The following SLC39A11 variants were observed in gnomAD, a reference collection of about 807,000 sequenced individuals.
SLC39A11 encodes solute carrier family 39 member 11.
Under a neutral mutation model 36.1 loss-of-function variants are expected in SLC39A11, and 33 were observed. The ratio of observed to expected loss-of-function variants is 0.91; its 90% CI spans 0.69 to 1.22. The LOEUF (loss-of-function observed/expected upper bound fraction) is 1.22, where lower values mean the gene tolerates loss of function less well. Among genes scored for constraint, SLC39A11 ranks in the 50% most tolerant of loss-of-function variants. The pLI is 0.00. For missense variants in SLC39A11, 432 were observed against 430.3 expected (o/e 1.00, Z -0.03); for synonymous variants, 166 against 170.3 (o/e 0.97, Z 0.20).
intron 4 of SLC39A11, among the ~76,000 whole-genome samples, chr17:73,026,691 G>A (rs970222740): frequency 5.3e-5 from 8 of 151,994 alleles, no homozygotes; most frequent in African/African-American, 1.9e-4. Flanking sequence ...GTTTTATAAC[G>A]AGATTTTTGT....
At chr17:72,930,202 G>T (rs898554933) in intron 5 of SLC39A11, among the ~76,000 whole-genome samples, 1 of 152,198 alleles carries the variant, frequency 6.6e-6, no homozygotes, top group Non-Finnish European at 1.5e-5. Context: ...CAGCTCATTA[G>T]TTCTGGGAGA....
intron 5 of SLC39A11, among the ~76,000 whole-genome samples, chr17:72,861,868 AT>A (rs1000608814): frequency 3.4e-5 from 5 of 149,086 alleles, no homozygotes; most frequent in Non-Finnish European, 7.4e-5. Flanking sequence ...ACTTTTAGAA[AT>A]TCACTTGAGA....
At chr17:72,930,138 C>T (rs1364859102) in intron 5 of SLC39A11, among the ~76,000 whole-genome samples, 1 of 152,194 alleles carries the variant, frequency 6.6e-6, no homozygotes, top group African/African-American at 2.4e-5. Flanking sequence ...GCATTTTAAA[C>T]AAGCTTCTGG....
At chr17:72,837,421 G>A (rs2078608638) in intron 6 of SLC39A11, among the ~76,000 whole-genome samples, 1 of 149,368 alleles carries the variant, frequency 6.7e-6, no homozygotes. Context: ...GCCATGGTAG[G>A]TGGGACAGAG....
intron 7 of SLC39A11, among the ~76,000 whole-genome samples, chr17:72,665,256 C>T (rs1416791277): frequency 6.6e-6 from 1 of 152,160 alleles, no homozygotes; most frequent in African/African-American, 2.4e-5. Context: ...ACTGCAGCCC[C>T]AGCTGACCTC....
chr17:72,828,376 C>A (rs1022025363), intron 6 of SLC39A11, among the ~76,000 whole-genome samples: 7 of 152,180 alleles, frequency 4.6e-5, no homozygotes, highest in African/African-American at 1.7e-4. Context: ...AAAAGGGGAC[C>A]ATGAGCCAGG....
chr17:72,887,578 C>T (rs1230253130), intron 5 of SLC39A11, among the ~76,000 whole-genome samples: 3 of 152,216 alleles, frequency 2.0e-5, no homozygotes, highest in Non-Finnish European at 4.4e-5. Flanking sequence ...CGAGAACAGT[C>T]GCAGCCATGC....
At chr17:73,074,493 T>C (rs2060259700) in intron 3 of SLC39A11, among the ~76,000 whole-genome samples, 1 of 152,044 alleles carries the variant, frequency 6.6e-6, no homozygotes, top group South Asian at 2.1e-4. Context: ...GAGACAGGGT[T>C]TCACCATGTT....
intron 5 of SLC39A11, among the ~76,000 whole-genome samples, chr17:72,877,946 T>A (rs968789701): frequency 1.4e-4 from 21 of 150,390 alleles, no homozygotes; most frequent in African/African-American, 4.9e-4. Context: ...GTTAAGTATA[T>A]CTCCTAATGC....
chr17:72,902,911 T>G lies in SLC39A11; in HGVS notation c.430+44841A>C, dbSNP rs1035772720. Among the ~76,000 whole-genome samples, 28 of 151,460 alleles carry G rather than the reference T, an allele frequency of 1.8e-4. 1 individual carries two copies. The highest frequency in any genetic ancestry group is 5.8e-4 in the East Asian group (3 of 5,132). On this transcript the variant is annotated intron_variant, in intron 5 of 9. Coordinates refer to ENST00000255559, the MANE Select transcript of SLC39A11 (RefSeq NM_139177.4). ...ATAAGGGAAACTCAGAATTATTTTG[T>G]TTTTTGTTCTTCTTAGTCAAAGATG...
intron 5 of SLC39A11, among the ~76,000 whole-genome samples, chr17:72,919,356 T>C (rs934461742): frequency 6.6e-6 from 1 of 151,760 alleles, no homozygotes; most frequent in African/African-American, 2.4e-5. Context: ...TTTACCATGA[T>C]CATAAAGGTG....
chr17:72,954,676 C>T lies in SLC39A11; in HGVS notation c.307-6801G>A, dbSNP rs2086119969. On this transcript the variant is annotated intron_variant, in intron 4 of 9. Coordinates refer to ENST00000255559, the MANE Select transcript of SLC39A11 (RefSeq NM_139177.4). The stretch of plus-strand genomic sequence containing the variant: ...TCGTAACACAATCTTTTAAATTATT[C>T]CACATAATGGAAAAAAAATTAAATG... 2.0e-5 allele frequency among the ~76,000 whole-genome samples: 3 copies of T among 152,194 alleles called. No individual in the cohort carries two copies. The South Asian group carries it at 6.2e-4, about 32-fold the overall frequency.
chr17:73,002,943 G>A (rs2089902999), intron 4 of SLC39A11, among the ~76,000 whole-genome samples: 1 of 152,108 alleles, frequency 6.6e-6, no homozygotes, highest in African/African-American at 2.4e-5. Context: ...TTATAAGGAG[G>A]CTTGAGATTG....
At chr17:73,004,232 A>AAAGAAAGAAAGAAAAGAAAAGAAAAG in intron 4 of SLC39A11, among the ~76,000 whole-genome samples, 3 of 88,642 alleles carry the variant, frequency 3.4e-5, no homozygotes, top group Non-Finnish European at 7.3e-5. Flanking sequence ...AGAAAGAAAG[A>AAAGAAAGAAAGAAAAGAAAAGAAAAG]AAAGAAAGAA....
chr17:72,705,003 TGC>T (rs2072828647), intron 7 of SLC39A11, among the ~76,000 whole-genome samples: 1 of 152,204 alleles, frequency 6.6e-6, no homozygotes, highest in Non-Finnish European at 1.5e-5. Flanking sequence ...ATCATGCCTA[TGC>T]TGAAGAGAGC....
chr17:72,844,176 G>C (rs1431928374), intron 6 of SLC39A11, among the ~76,000 whole-genome samples: 1 of 152,128 alleles, frequency 6.6e-6, no homozygotes, highest in Admixed American at 6.5e-5. Context: ...AGGTAAGTTG[G>C]CTCCAAACAG....
chr17:72,765,472 T>C (rs2144613792), intron 6 of SLC39A11, among the ~76,000 whole-genome samples: 1 of 152,330 alleles, frequency 6.6e-6, no homozygotes, highest in Non-Finnish European at 1.5e-5. Flanking sequence ...TCTGCATGAA[T>C]TAAACTCTTT....
At chr17:72,765,335 C>T (rs576535072) in intron 6 of SLC39A11, among the ~76,000 whole-genome samples, 1 of 152,200 alleles carries the variant, frequency 6.6e-6, no homozygotes, top group Non-Finnish European at 1.5e-5. Flanking sequence ...CCAATGATTG[C>T]ATTCACAACA....
chr17:72,653,336 T>C (rs1042586436), intron 7 of SLC39A11, among the ~76,000 whole-genome samples: 4 of 151,992 alleles, frequency 2.6e-5, no homozygotes, highest in Non-Finnish European at 5.9e-5. Flanking sequence ...CTCAAACTCC[T>C]GACCTCAGAT....
Sources: gnomAD v4.1 joint callset for allele counts (sites outside exome capture counted in the v4.1 genomes callset) on GRCh38, gnomAD v4.1.1 for gene constraint, MANE v1.5 for transcripts, NCBI Gene and HGNC (gene_info 2026-07-23, HGNC 2026-07-21) for gene names.